Variants in ZAN observed in about 807,000 individuals in gnomAD.
The protein encoded by ZAN is zonadhesin.
A neutral mutation model predicts 286.2 loss-of-function variants in ZAN; 260 were observed. The observed-to-expected ratio is 0.91, with a 90% confidence interval of 0.82 to 1.01. The LOEUF (loss-of-function observed/expected upper bound fraction) is 1.01, where lower values mean the gene tolerates loss of function less well. Among genes scored for constraint, ZAN ranks in the 50% least tolerant of loss-of-function variants. ZAN has a pLI of 0.00. For missense variants in ZAN, 3,410 were observed against 3,639.2 expected (o/e 0.94, Z 1.62); for synonymous variants, 1,368 against 1,417.5 (o/e 0.97, Z 0.79).
Position 100,791,066 on chromosome 7 carries a change from C to T in ZAN, c.7482C>T (p.Gly2494=). The change falls in exon 40 of 48, where the codon GGC becomes GGT. Residue 2494 remains glycine, a synonymous_variant. Transcript: ENST00000613979. The stretch of plus-strand genomic sequence containing the variant: ...TGACCCAGAACCTCAACACCTTTGG[C>T]AACAGCTGGGAGGTGAAGACCGAGG... The part of the protein sequence containing the change: ...GALTQNLNTF[G]NSWEVKTEDA... The T allele has an allele frequency of 6.2e-7, 1 of 1,613,192 alleles. No individual in the cohort carries two copies. Among genetic ancestry groups the T allele is most frequent in the African/African-American group, 1.3e-5 (1 of 74,998 alleles).
chr7:100,760,541 G>A lies in ZAN; in HGVS notation c.3842+5G>A, dbSNP rs751171296. 3.7e-6 allele frequency: 6 copies of A among 1,612,964 alleles called. No homozygotes were observed. The African/African-American group carries it at 4.0e-5, about 11-fold the overall frequency. ...GCTGTATGTTACTGTGTCCAGGTAA[G>A]GCAGTGTCCCAGCCAGGCAGCTGCC... is the stretch of plus-strand genomic sequence containing the variant. On this transcript the variant is annotated splice_donor_5th_base_variant and intron_variant, in intron 19 of 47. Coordinates refer to ENST00000613979, the MANE Select transcript of ZAN (RefSeq NM_003386.3).
chr7:100,776,794 G>T (rs1270600799), intron 34 of ZAN, among the ~76,000 whole-genome samples: 1 of 124,014 alleles, frequency 8.1e-6, no homozygotes, highest in Non-Finnish European at 1.6e-5. Context: ...CTGCAGTGGC[G>T]CAATCTCGGC....
At chr7:100,761,740 C>A (rs947992622) in intron 19 of ZAN, among the ~76,000 whole-genome samples, 1 of 151,916 alleles carries the variant, frequency 6.6e-6, no homozygotes, top group Non-Finnish European at 1.5e-5. Context: ...AGTTTGAGAC[C>A]AGCCTGGCCA....
At chr7:100,767,761 A>C in intron 25 of ZAN, 70 bp from the exon 26 acceptor site, 1 of 1,509,188 alleles carries the variant, frequency 6.6e-7, no homozygotes. Context: ...TGCAGGCATG[A>C]GCCCCCGTCC....
intron 24 of ZAN, 84 bp downstream of exon 24, chr7:100,766,750 C>A: frequency 6.7e-7 from 1 of 1,487,492 alleles, no homozygotes; most frequent in South Asian, 1.4e-5. Flanking sequence ...AGCAGCTTCC[C>A]CAGACAGCTG....
rs1177814697 is a variant in ZAN, at chr7:100,779,586, GC to G, written c.6459del (p.Cys2153TrpfsTer5). On this transcript the variant is annotated frameshift_variant, in exon 35 of 48. Coordinates refer to ENST00000613979, the MANE Select transcript of ZAN (RefSeq NM_003386.3). LOFTEE classifies it high-confidence loss of function. ...AALRAPVWAQCASRIDLTPFL... is the reference protein window; with the variant it reads ...AALRAPVWAQXASRIDLTPFL... ...CTCCGGGCTCCTGTGTGGGCCCAGT[GC>G]GCCTCCCGCATAGACCTCACGCCCT... is the stretch of plus-strand genomic sequence containing the variant. The G allele has an allele frequency of 3.7e-6, 6 of 1,609,458 alleles. No individual in the cohort carries two copies. Among genetic ancestry groups the G allele is most frequent in the Non-Finnish European group, 4.2e-6 (5 of 1,178,112 alleles).
intron 31 of ZAN, among the ~76,000 whole-genome samples, chr7:100,775,053 A>C (rs1810656856): frequency 6.6e-6 from 1 of 151,988 alleles, no homozygotes; most frequent in South Asian, 2.1e-4. Context: ...TCAGCCTTCC[A>C]AGTAGCTGAG....
At chr7:100,791,929 G>A in intron 40 of ZAN, 37 bp from the exon 41 acceptor site, 1 of 1,572,512 alleles carries the variant, frequency 6.4e-7, no homozygotes, top group African/African-American at 1.4e-5. Flanking sequence ...CACCTTCCTT[G>A]GGGCCTCACC....
rs781266095 is a variant in ZAN, at chr7:100,750,963, G to A, written c.1521+67G>A. ...GGGCCAATGCCTGGGATCTGGGGGC[G>A]CCACCAGTGCTGAAGAGGTGGAAAG... On this transcript the variant is annotated intron_variant, in intron 12 of 47. Transcript: ENST00000613979. The A allele has an allele frequency of 4.3e-4, 649 of 1,508,002 alleles. 1 individual carries two copies. Among genetic ancestry groups the A allele is most frequent in the Non-Finnish European group, 4.7e-4 (530 of 1,130,934 alleles). The allele number at this position is 1,508,002 out of a possible 1,614,324, so 93.4% of individuals were successfully genotyped here.
chr7:100,764,382 C>G (rs1030310739), intron 22 of ZAN, among the ~76,000 whole-genome samples, 186 bp downstream of exon 22: 1 of 152,194 alleles, frequency 6.6e-6, no homozygotes, highest in Non-Finnish European at 1.5e-5. Flanking sequence ...GTAGTCCCAG[C>G]TACACTGGAG....
chr7:100,778,523 C>A (rs1584614778), intron 34 of ZAN, among the ~76,000 whole-genome samples: 1 of 152,090 alleles, frequency 6.6e-6, no homozygotes, highest in South Asian at 2.1e-4. Flanking sequence ...TGGGACGATC[C>A]CTTGGGCCTG....
rs1811435618 is a variant in ZAN, at chr7:100,784,610, C to T, written c.6623-13C>T. On this transcript the variant is annotated splice_polypyrimidine_tract_variant and intron_variant, in intron 35 of 47. Coordinates refer to ENST00000613979, the MANE Select transcript of ZAN (RefSeq NM_003386.3). ...GACCCTCTCCACTGACCCACTGTCT[C>T]CTTCACCCACAGCTCTGGAATGCCC... is the stretch of plus-strand genomic sequence containing the variant. 2 of 1,613,012 alleles carry T rather than the reference C, an allele frequency of 1.2e-6. No individual in the cohort carries two copies. Among genetic ancestry groups the T allele is most frequent in the African/African-American group, 1.3e-5 (1 of 75,056 alleles).
chr7:100,755,803 T>A (rs922210044), intron 15 of ZAN, among the ~76,000 whole-genome samples: 1 of 151,826 alleles, frequency 6.6e-6, no homozygotes, highest in Non-Finnish European at 1.5e-5. Flanking sequence ...AAATCCTGAG[T>A]TCAAGCAATC....
At chr7:100,789,044 G>A (rs1057194146) in intron 38 of ZAN, among the ~76,000 whole-genome samples, 174 bp from the exon 39 acceptor site, 1 of 152,110 alleles carries the variant, frequency 6.6e-6, no homozygotes, top group Admixed American at 6.6e-5. Flanking sequence ...CTGGGAAGGG[G>A]GCGGACCTCA....
rs1411462363 is a variant in ZAN, at chr7:100,771,807, C to T, written c.5249-37C>T. ...CCACATGGCCCTGTTCCTTCCCGGC[C>T]CCTCCCCTGGCTCATCTGCCTTCTC... On this transcript the variant is annotated intron_variant, in intron 28 of 47. Coordinates refer to ENST00000613979, the MANE Select transcript of ZAN (RefSeq NM_003386.3). 6.3e-6 allele frequency: 10 copies of T among 1,587,062 alleles called. No individual in the cohort carries two copies. In the East Asian group the frequency reaches 2.3e-4, roughly 36 times the overall value.
rs561156777 is a variant in ZAN, at chr7:100,739,043, G to A, written c.766+430G>A. ...TTTTTTTTTTTTGAAGCAGAGTCTC[G>A]TTCTGTCACCCAGTCTGGAGTGCAG... On this transcript the variant is annotated intron_variant, in intron 7 of 47. Coordinates refer to ENST00000613979, the MANE Select transcript of ZAN (RefSeq NM_003386.3). 1.4e-4 allele frequency among the ~76,000 whole-genome samples: 16 copies of A among 118,160 alleles called. 4 individuals are homozygous for A. The highest frequency in any genetic ancestry group is 7.1e-4 in the East Asian group (3 of 4,254). 77.5% of individuals were successfully genotyped at this position (118,160 alleles called of 152,430 possible).
chr7:100,784,509 A>T (rs1811429701), intron 35 of ZAN, 114 bp from the exon 36 acceptor site: 1 of 1,021,816 alleles, frequency 9.8e-7, no homozygotes, highest in Non-Finnish European at 1.4e-6. Context: ...AAAAGAACAA[A>T]AAAAGCTCCC....
intron 35 of ZAN, among the ~76,000 whole-genome samples, chr7:100,784,153 A>T (rs1811403496): frequency 1.6e-5 from 2 of 127,732 alleles, no homozygotes; most frequent in South Asian, 2.5e-4. Flanking sequence ...TTTTTTTGAG[A>T]CAGTCTCACT....
intron 35 of ZAN, among the ~76,000 whole-genome samples, chr7:100,783,783 T>TATATATATATATAC (rs377402352): frequency 4.9e-5 from 1 of 20,488 alleles, no homozygotes; most frequent in African/African-American, 1.4e-4. Flanking sequence ...TATATATATA[T>TATATATATATATAC]ACACATATAT....
Sources: gnomAD v4.1 joint callset for allele counts (sites outside exome capture counted in the v4.1 genomes callset) on GRCh38, gnomAD v4.1.1 for gene constraint, MANE v1.5 for transcripts, NCBI Gene and HGNC (gene_info 2026-07-23, HGNC 2026-07-21) for gene names.